Variants in RP1L1 observed in about 807,000 individuals in gnomAD.
The protein encoded by RP1L1 is RP1 like 1.
In RP1L1, 27 loss-of-function variants were observed where a neutral mutation model predicts 15.7. That is an observed-to-expected ratio of 1.72 (90% CI 1.27 to 2.38). RP1L1 has a LOEUF of 2.38. RP1L1 is among the 30% of genes most tolerant of loss of function. The pLI is 0.00. For synonymous variants in RP1L1, 1,813 were observed against 1,276.7 expected, an observed-to-expected ratio of 1.42 and a Z score of -8.96; for missense variants, 4,798 against 3,075.9, an observed-to-expected ratio of 1.56 and a Z score of -13.24.
In RP1L1 at chr8:10,622,694, G is replaced by C. The variant is rs1459723670; in HGVS notation, c.508C>G (p.Leu170Val). 2.5e-6 allele frequency: 4 copies of C among 1,614,048 alleles called. No homozygotes were observed. The highest frequency in any genetic ancestry group is 3.4e-6 in the Non-Finnish European group (4 of 1,180,050). ...MDPRLQQTVV[L>V]SHRNTRNLAA... is the part of the protein sequence containing the mutation. ...AGGTTCCTAGTATTCCTGTGACTGA[G>C]AACCACTGTCTGCTGGAGGCGAGGG... The change falls in exon 2 of 4, where the codon CTC becomes GTC. Residue 170 changes from leucine to valine, a missense_variant. Physicochemically the swap from Leu to Val is conservative, Grantham distance 32. Transcript: ENST00000382483.
intron 1 of RP1L1, among the ~76,000 whole-genome samples, chr8:10,632,010 G>C (rs1021751382): frequency 6.6e-6 from 1 of 152,214 alleles, no homozygotes; most frequent in Non-Finnish European, 1.5e-5. Flanking sequence ...TTGTCATTTT[G>C]TCATCGTGCT....
chr8:10,623,145 G>A lies in RP1L1; in HGVS notation c.57C>T (p.Pro19=), dbSNP rs1221245040. The change falls in exon 2 of 4, where the codon CCC becomes CCT. Residue 19 remains proline (P), a synonymous_variant. Transcript: ENST00000382483. ...TGACCGAGGGGGTGCGAGCCACAGA[G>A]GGCAGGAAGCACTCACGGTGGCTCG... ...QAPSHRECFL[P]SVARTPSVTK... is the part of the protein sequence containing the mutation. 2.5e-6 allele frequency: 4 copies of A among 1,603,502 alleles called. No homozygotes were observed. Among genetic ancestry groups the A allele is most frequent in the Non-Finnish European group, 3.4e-6 (4 of 1,174,066 alleles).
rs4388421 is a variant in RP1L1 at position 10,616,532 on chromosome 8, T to G, written c.665A>C (p.His222Pro). The change falls in exon 3 of 4, where the codon CAT (histidine) becomes CCT (proline). Residue 222 changes from histidine to proline, a missense_variant. Physicochemically the swap from His to Pro is moderately conservative, Grantham distance 77. Coordinates refer to ENST00000382483, the MANE Select transcript of RP1L1 (RefSeq NM_178857.6). ...CATGGCTGGGGTTCTGAAGGCCTCA[T>G]GCCCGGCACACACCAGCACAGAGGG... Reference protein sequence around the residue: ...HSPSVLVCAGHEAFRTPAMKN... With the variant: ...HSPSVLVCAGPEAFRTPAMKN... 265,829 of 1,613,944 alleles carry G rather than the reference T, an allele frequency of 0.16. 24,994 individuals are homozygous for G. Among genetic ancestry groups the G allele is most frequent in the East Asian group, 0.48 (21,437 of 44,856 alleles).
At chr8:10,654,517 C>T (rs1199466212) in intron 1 of RP1L1, among the ~76,000 whole-genome samples, 1 of 152,122 alleles carries the variant, frequency 6.6e-6, no homozygotes, top group African/African-American at 2.4e-5. Context: ...GGGGCAGCTG[C>T]CCACCTCTCC....
chr8:10,642,654 T>C (rs767755936), intron 1 of RP1L1, among the ~76,000 whole-genome samples: 3 of 152,208 alleles, frequency 2.0e-5, no homozygotes, highest in Non-Finnish European at 4.4e-5. Flanking sequence ...TCCTAATTAG[T>C]ATACCATATA....
chr8:10,608,270 G>A lies in RP1L1; in HGVS notation c.5828C>T (p.Ala1943Val). The part of the protein sequence containing the change: ...PESEGAEAQE[A>V]EEAAQEAEGQ... ...TTCTGCCTCCTGGGCCGCCTCTTCTGCCTCTTGGGCCTCTGCACCTTCTGA... is the reference window on the plus strand; with the variant it reads ...TTCTGCCTCCTGGGCCGCCTCTTCTACCTCTTGGGCCTCTGCACCTTCTGA... Residue 1943 changes from alanine to valine, a missense_variant, in exon 4 of 4, where the codon GCA becomes GTA. Coordinates refer to ENST00000382483, the MANE Select transcript of RP1L1 (RefSeq NM_178857.6). 1.9e-6 allele frequency: 3 copies of A among 1,591,450 alleles called. No homozygotes were observed. Among genetic ancestry groups the A allele is most frequent in the Admixed American group, 1.7e-5 (1 of 58,206 alleles).
At chr8:10,631,920 G>A (rs919639274) in intron 1 of RP1L1, among the ~76,000 whole-genome samples, 1 of 152,370 alleles carries the variant, frequency 6.6e-6, no homozygotes. Flanking sequence ...ATGGACGTGA[G>A]TGAATCACTC....
chr8:10,631,431 GCACACACACGCA>G (rs1798251348), intron 1 of RP1L1, among the ~76,000 whole-genome samples: 1 of 146,762 alleles, frequency 6.8e-6, no homozygotes, highest in Admixed American at 6.8e-5. Context: ...ACACATGCGC[GCACACACACGCA>G]CACACACACT....
chr8:10,607,201 G>A lies in RP1L1; in HGVS notation c.6897C>T (p.Ser2299=). 2 of 1,614,256 alleles carry A rather than the reference G, an allele frequency of 1.2e-6. No individual in the cohort carries two copies. The highest frequency in any genetic ancestry group is 1.7e-6 in the Non-Finnish European group (2 of 1,180,042). ...TGCCCCAAGAGGATGCTCTGGAGGAGGAAGGGCCTGTTTGGGAGCCTGGCC... is the reference window on the plus strand; with the variant it reads ...TGCCCCAAGAGGATGCTCTGGAGGAAGAAGGGCCTGTTTGGGAGCCTGGCC... ...HQRPGSQTGP[S]SSRASSWGNC... Residue 2299 remains serine, a synonymous_variant, in exon 4 of 4, where the codon TCC becomes TCT. Transcript: ENST00000382483.
At chr8:10,624,600 G>GTGT (rs1433343627) in intron 1 of RP1L1, among the ~76,000 whole-genome samples, 2 of 152,200 alleles carry the variant, frequency 1.3e-5, no homozygotes, top group African/African-American at 4.8e-5. Flanking sequence ...CAGCTGGGTG[G>GTGT]TGTTGGAAGG....
intron 1 of RP1L1, among the ~76,000 whole-genome samples, chr8:10,633,640 G>C (rs766124317): frequency 6.6e-6 from 1 of 152,124 alleles, no homozygotes; most frequent in Middle Eastern, 3.4e-3. Context: ...GCTGTTCTGT[G>C]GTCATCATTT....
At chr8:10,619,827 G>T (rs1241604000) in intron 2 of RP1L1, among the ~76,000 whole-genome samples, 3 of 152,068 alleles carry the variant, frequency 2.0e-5, no homozygotes, top group Non-Finnish European at 4.4e-5. Context: ...GGGCATGGTG[G>T]CAGGCGCCTG....
intron 3 of RP1L1, among the ~76,000 whole-genome samples, chr8:10,614,716 GGAAAAAAAAAA>G (rs1797938044): frequency 7.3e-6 from 1 of 136,234 alleles, no homozygotes; most frequent in Non-Finnish European, 1.6e-5. Flanking sequence ...AAGGAAGGAA[GGAAAAAAAAAA>G]GAAAGAAAGA....
At chr8:10,621,062 A>G (rs1231363149) in intron 2 of RP1L1, 1 of 152,274 alleles carries the variant, frequency 6.6e-6, no homozygotes, top group African/African-American at 2.4e-5. Context: ...AGGTATACAT[A>G]TTAATCAATT....
At position 10,610,997 on chromosome 8, in the gene RP1L1, G is replaced by A. The variant is rs534025550; in HGVS notation, c.3101C>T (p.Thr1034Ile). Residue 1034 changes from threonine (T) to isoleucine (I), a missense_variant, in exon 4 of 4, where the codon ACT (threonine) becomes ATT (isoleucine). Thr to Ile is a moderately conservative substitution (Grantham distance 89). Transcript: ENST00000382483. Reference protein sequence around the residue: ...PEGALLGSSDTGPQSGEGVPQ... With the variant: ...PEGALLGSSDIGPQSGEGVPQ... Reference sequence around the variant, plus strand: ...GACACCCTCTCCTGATTGGGGACCAGTGTCACTACTCCCCAGGAGGGCTCC... The same window carrying A: ...GACACCCTCTCCTGATTGGGGACCAATGTCACTACTCCCCAGGAGGGCTCC... 1 of 1,612,688 alleles carries A rather than the reference G, an allele frequency of 6.2e-7. No homozygotes were observed. Among genetic ancestry groups the A allele is most frequent in the Middle Eastern group, 1.7e-4 (1 of 6,056 alleles).
chr8:10,653,214 C>T (rs886487967), intron 1 of RP1L1, among the ~76,000 whole-genome samples: 5 of 152,090 alleles, frequency 3.3e-5, no homozygotes, highest in African/African-American at 1.2e-4. Flanking sequence ...TTGGAAAATG[C>T]GTTTTACAGG....
chr8:10,613,034 T>G lies in RP1L1; in HGVS notation c.1064A>C (p.Glu355Ala), dbSNP rs1797898165. 6.2e-7 allele frequency: 1 copy of G among 1,613,372 alleles called. No individual in the cohort carries two copies. Among genetic ancestry groups the G allele is most frequent in the Non-Finnish European group, 8.5e-7 (1 of 1,180,012 alleles). ...RASALTAASG[E>A]DPVLGEVDPL... ...GTCTACCTCCCCCAGAACGGGGTCTTCCCCACTGGCTGCCGTGAGGGCGCT... is the reference window on the plus strand; with the variant it reads ...GTCTACCTCCCCCAGAACGGGGTCTGCCCCACTGGCTGCCGTGAGGGCGCT... Residue 355 changes from glutamate to alanine, a missense_variant, in exon 4 of 4, where the codon GAA (glutamate) becomes GCA (alanine). By Grantham distance (107) the Glu-to-Ala change is moderately radical (BLOSUM62 -1). Coordinates refer to ENST00000382483, the MANE Select transcript of RP1L1 (RefSeq NM_178857.6).
intron 1 of RP1L1, among the ~76,000 whole-genome samples, chr8:10,651,516 C>T (rs1012863249): frequency 2.6e-5 from 4 of 152,046 alleles, no homozygotes; most frequent in Non-Finnish European, 5.9e-5. Context: ...ATCACGGGTT[C>T]AAGAGATTGA....
At chr8:10,621,971 T>C (rs1798066819) in intron 2 of RP1L1, among the ~76,000 whole-genome samples, 1 of 152,104 alleles carries the variant, frequency 6.6e-6, no homozygotes, top group South Asian at 2.1e-4. Context: ...ACTTGAGTAG[T>C]TTGTTTCCTA....
Sources: gnomAD v4.1 joint callset for allele counts (sites outside exome capture counted in the v4.1 genomes callset) on GRCh38, gnomAD v4.1.1 for gene constraint, MANE v1.5 for transcripts, NCBI Gene and HGNC (gene_info 2026-07-23, HGNC 2026-07-21) for gene names.